The following TSPAN18 variants were observed in gnomAD, a reference collection of about 807,000 sequenced individuals.
The protein encoded by TSPAN18 is tetraspanin 18.
A neutral mutation model predicts 27.3 loss-of-function variants in TSPAN18; 14 were observed. The ratio of observed to expected loss-of-function variants is 0.51; its 90% CI spans 0.34 to 0.80. TSPAN18 has a LOEUF of 0.80. Ranked by LOEUF, TSPAN18 falls within the 30% of genes least tolerant of loss-of-function variation. The pLI is 0.01. For synonymous variants in TSPAN18, 143 were observed against 136.5 expected (o/e 1.05, Z -0.33); for missense variants, 268 against 323.9 (o/e 0.83, Z 1.32).
chr11:44,726,943 G>A (rs1253715538), upstream of TSPAN18: 1 of 136,200 alleles, frequency 7.3e-6, no homozygotes, highest in South Asian at 2.3e-4. Context: ...AGGTGGGGCC[G>A]GCGGGCTGGC....
intron 1 of TSPAN18, among the ~76,000 whole-genome samples, chr11:44,733,976 G>A (rs949690704): frequency 6.6e-6 from 1 of 152,106 alleles, no homozygotes; most frequent in African/African-American, 2.4e-5. Flanking sequence ...TTTGGGTCAT[G>A]GGGGCGGATC....
chr11:44,894,781 G>A (rs1309493164), intron 3 of TSPAN18, among the ~76,000 whole-genome samples: 1 of 152,216 alleles, frequency 6.6e-6, no homozygotes, highest in Non-Finnish European at 1.5e-5. Flanking sequence ...CCAACTTCCT[G>A]GGCCTCTGTG....
intron 2 of TSPAN18, among the ~76,000 whole-genome samples, chr11:44,785,907 G>A (rs1265516007): frequency 2.6e-5 from 4 of 152,352 alleles, no homozygotes; most frequent in South Asian, 4.1e-4. Context: ...CTTGCTACTT[G>A]CTATTTGTGT....
chr11:44,910,847 G>A (rs991766532), intron 5 of TSPAN18, among the ~76,000 whole-genome samples: 6 of 152,200 alleles, frequency 3.9e-5, no homozygotes, highest in African/African-American at 1.4e-4. Flanking sequence ...GGCAGGCCTG[G>A]TTTGAGGGTA....
At chr11:44,765,314 G>A (rs1010389209) in intron 2 of TSPAN18, among the ~76,000 whole-genome samples, 1 of 152,202 alleles carries the variant, frequency 6.6e-6, no homozygotes, top group Non-Finnish European at 1.5e-5. Context: ...GGGTTGGGAG[G>A]TTGTGGAAGG....
chr11:44,834,637 C>T (rs1432497096), intron 2 of TSPAN18, among the ~76,000 whole-genome samples: 2 of 152,146 alleles, frequency 1.3e-5, no homozygotes, highest in Non-Finnish European at 2.9e-5. Context: ...AGGCTCAGCA[C>T]CAGGCTGATG....
chr11:44,828,620 G>A (rs1857093478), intron 2 of TSPAN18, among the ~76,000 whole-genome samples: 1 of 152,134 alleles, frequency 6.6e-6, no homozygotes, highest in African/African-American at 2.4e-5. Flanking sequence ...TCTCTAGCTA[G>A]ACCTCTTTCC....
At position 44,727,174 on chromosome 11, in the gene TSPAN18, C is replaced by T. The variant is rs2134776569; in HGVS notation, c.-353C>T. 1 of 150,450 alleles carries T rather than the reference C, an allele frequency of 6.6e-6. No individual in the cohort carries two copies. Among genetic ancestry groups the T allele is most frequent in the African/African-American group, 2.4e-5 (1 of 41,206 alleles). 9.3% of individuals were successfully genotyped at this position (150,450 alleles called of 1,614,324 possible). ...TGCGGGTCCCCGGACGCGCCGCCACCGCCGGGAAGGCAGCCGGCGCCGGGC... is the reference window on the plus strand; with the variant it reads ...TGCGGGTCCCCGGACGCGCCGCCACTGCCGGGAAGGCAGCCGGCGCCGGGC... On this transcript the variant is annotated 5_prime_UTR_variant, in exon 1 of 10. Coordinates refer to ENST00000520358, the MANE Select transcript of TSPAN18 (RefSeq NM_130783.5).
At chr11:44,796,405 C>T (rs993796100) in intron 2 of TSPAN18, among the ~76,000 whole-genome samples, 2 of 152,066 alleles carry the variant, frequency 1.3e-5, no homozygotes, top group Non-Finnish European at 2.9e-5. Context: ...GTGGGTTCCT[C>T]CATTGCCATG....
chr11:44,733,169 T>C lies in TSPAN18; in HGVS notation c.-240+5882T>C, dbSNP rs564619625. On this transcript the variant is annotated intron_variant, in intron 1 of 9. Transcript: ENST00000520358. ...CTGAGAATGTAAGGAAGTACATGGATATTTGATGAGCACTAAGTCTCTGCA... is the reference window on the plus strand; with the variant it reads ...CTGAGAATGTAAGGAAGTACATGGACATTTGATGAGCACTAAGTCTCTGCA... Among the ~76,000 whole-genome samples, 149 of 152,322 alleles carry C rather than the reference T, an allele frequency of 9.8e-4. 1 individual carries two copies. Among genetic ancestry groups the C allele is most frequent in the African/African-American group, 3.5e-3 (145 of 41,576 alleles).
intron 2 of TSPAN18, among the ~76,000 whole-genome samples, chr11:44,826,582 C>G (rs975327153): frequency 1.7e-4 from 26 of 152,226 alleles, no homozygotes; most frequent in Non-Finnish European, 1.3e-4. Context: ...CCTGGCTCAT[C>G]TTGTCTCACC....
intron 3 of TSPAN18, among the ~76,000 whole-genome samples, chr11:44,885,420 G>A (rs546854992): frequency 1.3e-5 from 2 of 152,064 alleles, no homozygotes; most frequent in Non-Finnish European, 2.9e-5. Flanking sequence ...GCTTATCCCT[G>A]GGCTTCCTGG....
intron 1 of TSPAN18, among the ~76,000 whole-genome samples, chr11:44,750,042 T>C (rs1041350998): frequency 2.0e-5 from 3 of 152,154 alleles, no homozygotes; most frequent in African/African-American, 7.2e-5. Context: ...CTTTGATATC[T>C]CCTAGGGAAT....
chr11:44,904,369 C>T (rs776407015), intron 3 of TSPAN18, among the ~76,000 whole-genome samples: 6 of 152,348 alleles, frequency 3.9e-5, no homozygotes, highest in East Asian at 3.9e-4. Flanking sequence ...GAAAGCCCTC[C>T]GGCCCCAGGG....
chr11:44,903,364 G>A (rs1233268440), intron 3 of TSPAN18: 1 of 454,174 alleles, frequency 2.2e-6, no homozygotes, highest in South Asian at 1.6e-5. Context: ...ACCTCTGGGG[G>A]ACTCTCCTTT....
chr11:44,730,705 C>T (rs969674012), intron 1 of TSPAN18, among the ~76,000 whole-genome samples: 3 of 151,674 alleles, frequency 2.0e-5, no homozygotes, highest in Non-Finnish European at 4.4e-5. Flanking sequence ...CTCACTGCAA[C>T]CTCTGCCTCC....
chr11:44,882,627 C>CACACACACACAG lies in TSPAN18; in HGVS notation c.-11+22159_-11+22160insCACACACACAGA, dbSNP rs375349718. Among the ~76,000 whole-genome samples, 538 of 130,648 alleles carry CACACACACACAG rather than the reference C, an allele frequency of 4.1e-3. 3 individuals carry two copies. Among genetic ancestry groups the CACACACACACAG allele is most frequent in the African/African-American group, 0.013 (425 of 33,232 alleles). 85.7% of individuals were successfully genotyped at this position (130,648 alleles called of 152,430 possible). A position where few individuals can be genotyped will look rare whatever the true frequency, so the allele number is the denominator to read the frequency against. The stretch of plus-strand genomic sequence containing the variant: ...ACACACACACACACACACACACACA[C>CACACACACACAG]AGAGAGAGAGCATGTGCGTGCATGT... On this transcript the variant is annotated intron_variant, in intron 3 of 9. Coordinates refer to ENST00000520358, the MANE Select transcript of TSPAN18 (RefSeq NM_130783.5).
Position 44,924,729 on chromosome 11 carries a change from A to C in TSPAN18, c.616-1945A>C, listed in dbSNP as rs202064042. Among the ~76,000 whole-genome samples, 31 of 146,558 alleles carry C rather than the reference A, an allele frequency of 2.1e-4. No homozygotes were observed. In the East Asian group the frequency reaches 5.9e-3, roughly 28 times the overall value. On this transcript the variant is annotated intron_variant, in intron 8 of 9. Coordinates refer to ENST00000520358, the MANE Select transcript of TSPAN18 (RefSeq NM_130783.5). ...TTATAGTTCTGCATTTTAGGGTTCT[A>C]ATGCTTCAAAATCGCTTCACATGGG...
At chr11:44,852,332 G>A (rs1017959165) in intron 2 of TSPAN18, among the ~76,000 whole-genome samples, 4 of 152,166 alleles carry the variant, frequency 2.6e-5, no homozygotes, top group African/African-American at 7.2e-5. Flanking sequence ...CTATCAGTAG[G>A]AACTCTGATT....
Sources: allele counts gnomAD v4.1 joint callset (sites outside exome capture counted in the v4.1 genomes callset), GRCh38; gene constraint gnomAD v4.1.1; transcripts MANE v1.5; gene names NCBI Gene and HGNC (gene_info 2026-07-23, HGNC 2026-07-21).